Variants in PALLD observed in about 807,000 individuals in gnomAD.
PALLD encodes palladin, cytoskeletal associated protein.
Under a neutral mutation model 123.5 loss-of-function variants are expected in PALLD, and 61 were observed. The observed-to-expected ratio is 0.49, with a 90% CI of 0.40 to 0.61. The LOEUF is 0.61. PALLD is among the 20% of genes least tolerant of loss of function. The pLI is 0.00. For synonymous variants in PALLD, 465 were observed against 496.4 expected (o/e 0.94, Z 0.84); for missense variants, 1,273 against 1,377.0 (o/e 0.92, Z 1.20).
intron 2 of PALLD, among the ~76,000 whole-genome samples, chr4:168,541,401 C>G (rs548548253): frequency 6.6e-6 from 1 of 152,198 alleles, no homozygotes; most frequent in East Asian, 1.9e-4. Flanking sequence ...TAAACTAAAA[C>G]TAACTGGGAA....
intron 10 of PALLD, among the ~76,000 whole-genome samples, chr4:168,880,653 G>A (rs572221708): frequency 1.3e-5 from 2 of 152,310 alleles, no homozygotes; most frequent in African/African-American, 2.4e-5. Flanking sequence ...CAAAGATTGA[G>A]TGTCCCTATC....
intron 3 of PALLD, among the ~76,000 whole-genome samples, chr4:168,674,907 G>A (rs1031930748): frequency 4.6e-5 from 7 of 152,172 alleles, no homozygotes; most frequent in Non-Finnish European, 8.8e-5. Flanking sequence ...AGAAGATAGT[G>A]CAAGAGAGAA....
At chr4:168,866,132 GCA>G (rs1253575640) in intron 10 of PALLD, among the ~76,000 whole-genome samples, 1 of 152,022 alleles carries the variant, frequency 6.6e-6, no homozygotes, top group East Asian at 1.9e-4. Flanking sequence ...GGGTGTGGTG[GCA>G]CACACCAGTA....
intron 2 of PALLD, among the ~76,000 whole-genome samples, chr4:168,637,591 CTG>C (rs1776473977): frequency 6.6e-6 from 1 of 151,894 alleles, no homozygotes; most frequent in Non-Finnish European, 1.5e-5. Flanking sequence ...ATTTCCTACT[CTG>C]GGTCTTGATT....
intron 10 of PALLD, among the ~76,000 whole-genome samples, chr4:168,748,557 G>T (rs770781693): frequency 6.6e-6 from 1 of 152,114 alleles, no homozygotes; most frequent in Non-Finnish European, 1.5e-5. Context: ...AATAAGCTTC[G>T]TAAGTTCCTG....
At chr4:168,905,185 CTG>C (rs1757433330) in intron 15 of PALLD, among the ~76,000 whole-genome samples, 1 of 114,188 alleles carries the variant, frequency 8.8e-6, no homozygotes, top group African/African-American at 3.2e-5. Flanking sequence ...GAATCTCACT[CTG>C]TCGCCCAGGC....
At chr4:168,591,296 A>T (rs956774659) in intron 2 of PALLD, among the ~76,000 whole-genome samples, 1 of 152,192 alleles carries the variant, frequency 6.6e-6, no homozygotes, top group African/African-American at 2.4e-5. Context: ...TAATACTATG[A>T]GTCTGCCTGC....
rs767777801 is a variant in PALLD at position 168,850,523 on chromosome 4, C to CTTTTTTTTTTTTTTT, written c.1965-40385_1965-40371dup. ...TATATAATTTGTAAGTCTGTCATTTCTTTTTTTTTTTTTTTTTTTTTTTTT... is the reference window on the plus strand; with the variant it reads ...TATATAATTTGTAAGTCTGTCATTTCTTTTTTTTTTTTTTTTTTTTTTTTTTTTTTTTTTTTTTTT... On this transcript the variant is annotated intron_variant, in intron 10 of 21. Coordinates refer to ENST00000505667, the MANE Select transcript of PALLD (RefSeq NM_001166108.2). Among the ~76,000 whole-genome samples the CTTTTTTTTTTTTTTT allele has an allele frequency of 8.6e-5, 3 of 34,710 alleles. 1 individual carries two copies. The highest frequency in any genetic ancestry group is 4.0e-4 in the African/African-American group (3 of 7,554). 22.8% of individuals were successfully genotyped at this position (34,710 alleles called of 152,430 possible). A position where few individuals can be genotyped will look rare whatever the true frequency, so the allele number is the denominator to read the frequency against.
intron 2 of PALLD, among the ~76,000 whole-genome samples, chr4:168,612,857 T>C (rs1334910628): frequency 2.6e-5 from 4 of 152,112 alleles, no homozygotes; most frequent in Admixed American, 6.5e-5. Flanking sequence ...GAAGGGAGTG[T>C]GGAGGAAAAT....
chr4:168,611,475 T>A (rs1335727789), intron 2 of PALLD, among the ~76,000 whole-genome samples: 4 of 152,140 alleles, frequency 2.6e-5, no homozygotes, highest in African/African-American at 9.7e-5. Flanking sequence ...CCTCTCTTCT[T>A]CTTGTTAACA....
chr4:168,570,780 T>G (rs1383459980), intron 2 of PALLD, among the ~76,000 whole-genome samples: 1 of 152,134 alleles, frequency 6.6e-6, no homozygotes, highest in African/African-American at 2.4e-5. Flanking sequence ...GAAGTCAAAT[T>G]GGGAAACACA....
At chr4:168,655,365 C>T (rs17614113) in intron 2 of PALLD, among the ~76,000 whole-genome samples, 22,771 of 152,216 alleles carry the variant, frequency 0.15, 1,994 homozygotes, top group East Asian at 0.27. Context: ...GTTTTAAGTT[C>T]GTGTGCACTC....
At chr4:168,748,090 T>C (rs550610485) in intron 10 of PALLD, among the ~76,000 whole-genome samples, 1 of 152,232 alleles carries the variant, frequency 6.6e-6, no homozygotes, top group Admixed American at 6.5e-5. Flanking sequence ...GACACAAAGG[T>C]TTCAGTATTC....
chr4:168,873,653 T>A (rs997662955), intron 10 of PALLD, among the ~76,000 whole-genome samples: 1 of 152,252 alleles, frequency 6.6e-6, no homozygotes, highest in African/African-American at 2.4e-5. Flanking sequence ...GCCAACATTT[T>A]AACAAACGTT....
intron 10 of PALLD, among the ~76,000 whole-genome samples, chr4:168,783,580 A>G (rs1260351342): frequency 6.6e-6 from 1 of 152,238 alleles, no homozygotes; most frequent in East Asian, 1.9e-4. Flanking sequence ...CAAGATGATC[A>G]TGCTGGCTGT....
At chr4:168,877,385 C>T (rs1751890558) in intron 10 of PALLD, among the ~76,000 whole-genome samples, 1 of 152,128 alleles carries the variant, frequency 6.6e-6, no homozygotes, top group Non-Finnish European at 1.5e-5. Flanking sequence ...GAATTGATGT[C>T]GAAACGTTTT....
chr4:168,725,966 A>T (rs931726101), intron 10 of PALLD, among the ~76,000 whole-genome samples: 2 of 152,178 alleles, frequency 1.3e-5, no homozygotes, highest in African/African-American at 4.8e-5. Context: ...CTTCCCTCAT[A>T]GCCACTGCTT....
chr4:168,833,266 G>A (rs1472082356), intron 10 of PALLD, among the ~76,000 whole-genome samples: 2 of 152,090 alleles, frequency 1.3e-5, no homozygotes, highest in African/African-American at 4.8e-5. Context: ...CGTCTCGGTC[G>A]GGTCTCCCTG....
At chr4:168,925,179 G>T in intron 20 of PALLD, 54 bp from the exon 21 acceptor site, 1 of 1,580,308 alleles carries the variant, frequency 6.3e-7, no homozygotes, top group Admixed American at 1.7e-5. Context: ...AACAACTATT[G>T]TGTTTTATTT....
Sources: allele counts gnomAD v4.1 joint callset (sites outside exome capture counted in the v4.1 genomes callset), GRCh38; gene constraint gnomAD v4.1.1; transcripts MANE v1.5; gene names NCBI Gene and HGNC (gene_info 2026-07-23, HGNC 2026-07-21).